The following DENND4C variants were observed in gnomAD, a reference collection of about 807,000 sequenced individuals.
The protein encoded by DENND4C is DENN domain-containing protein 4C.
Under a neutral mutation model 203.0 loss-of-function variants are expected in DENND4C, and 108 were observed. The ratio of observed to expected loss-of-function variants is 0.53; its 90% confidence interval spans 0.46 to 0.62. The LOEUF is 0.62. DENND4C is among the 20% of genes least tolerant of loss of function. The pLI is 0.00. For synonymous variants in DENND4C, 871 were observed against 792.4 expected (o/e 1.10, Z -1.67); for missense variants, 2,481 against 2,301.2 (o/e 1.08, Z -1.60).
chr9:19,240,686 G>T (rs1391115359), intron 1 of DENND4C, among the ~76,000 whole-genome samples: 3 of 143,118 alleles, frequency 2.1e-5, no homozygotes, highest in Non-Finnish European at 4.5e-5. Flanking sequence ...AAAAAAAAAG[G>T]CCAGGCATGG....
At chr9:19,324,143 A>G (rs1324043535) in intron 12 of DENND4C, among the ~76,000 whole-genome samples, 1 of 152,128 alleles carries the variant, frequency 6.6e-6, no homozygotes, top group Non-Finnish European at 1.5e-5. Context: ...ACATGCAAAT[A>G]TTTCAAAATC....
intron 2 of DENND4C, among the ~76,000 whole-genome samples, chr9:19,280,087 T>A (rs1349362980): frequency 6.6e-6 from 1 of 151,850 alleles, no homozygotes; most frequent in East Asian, 1.9e-4. Context: ...TTAGCTTTTA[T>A]TTGAAGGGGC....
Position 19,331,836 on chromosome 9 carries a change from G to A in DENND4C, c.2254-142G>A, listed in dbSNP as rs1054775809. ...AACCATTAACACTGATAAGCAGGAA[G>A]CCACTCACAAAAGTCAACTTTGAAG... On this transcript the variant is annotated intron_variant, in intron 16 of 32. Transcript: ENST00000434457. The A allele has an allele frequency of 2.0e-5, 13 of 659,484 alleles. No homozygotes were observed. The African/African-American group carries it at 2.0e-4, about 10-fold the overall frequency. The allele number at this position is 659,484 out of a possible 1,614,324, so 40.9% of individuals were successfully genotyped here.
intron 12 of DENND4C, among the ~76,000 whole-genome samples, chr9:19,320,073 A>G (rs1391425860): frequency 6.6e-6 from 1 of 152,228 alleles, no homozygotes; most frequent in Admixed American, 6.5e-5. Context: ...CGTAAGCCAC[A>G]TATAAAATTT....
At chr9:19,293,707 G>A (rs909733673) in intron 5 of DENND4C, among the ~76,000 whole-genome samples, 1 of 152,206 alleles carries the variant, frequency 6.6e-6, no homozygotes, top group African/African-American at 2.4e-5. Flanking sequence ...TAGTCTATAT[G>A]CCTGGTAGCT....
chr9:19,275,277 CTTTTTTTTTTTTTTCTTTCTCT>C (rs1219865974), intron 1 of DENND4C, among the ~76,000 whole-genome samples: 1 of 129,988 alleles, frequency 7.7e-6, no homozygotes, highest in Admixed American at 8.3e-5. Context: ...CAGGCCCGGC[CTTTTTTTTTTTTTTCTTTCTCT>C]TTTTTTTTTT....
chr9:19,265,940 G>A (rs143233850), intron 1 of DENND4C, among the ~76,000 whole-genome samples: 340 of 152,308 alleles, frequency 2.2e-3, no homozygotes, highest in African/African-American at 8.0e-3. Context: ...CTTTATAGCA[G>A]CATGATTTTT....
intron 30 of DENND4C, among the ~76,000 whole-genome samples, chr9:19,368,588 G>A (rs971318246): frequency 2.6e-5 from 4 of 152,142 alleles, no homozygotes; most frequent in Non-Finnish European, 4.4e-5. Context: ...CTTGGGACCA[G>A]GAGTTTGAGA....
At chr9:19,360,977 G>T (rs1032199959) in intron 29 of DENND4C, among the ~76,000 whole-genome samples, 1 of 152,112 alleles carries the variant, frequency 6.6e-6, no homozygotes, top group Non-Finnish European at 1.5e-5. Context: ...GGGTTCAAGT[G>T]ATTCTCCTGC....
chr9:19,255,797 A>G (rs1827774800), intron 1 of DENND4C, among the ~76,000 whole-genome samples: 1 of 152,252 alleles, frequency 6.6e-6, no homozygotes, highest in East Asian at 1.9e-4. Flanking sequence ...CCATTCTCGT[A>G]CTAGTTGATA....
At chr9:19,341,666 C>T (rs1208414618) in intron 21 of DENND4C, among the ~76,000 whole-genome samples, 1 of 152,016 alleles carries the variant, frequency 6.6e-6, no homozygotes, top group Non-Finnish European at 1.5e-5. Flanking sequence ...GGAAGTGTGA[C>T]CCATTGAGGT....
chr9:19,310,588 T>C (rs1443616155), intron 10 of DENND4C, among the ~76,000 whole-genome samples: 3 of 152,238 alleles, frequency 2.0e-5, no homozygotes, highest in African/African-American at 7.2e-5. Flanking sequence ...TCTAGAGTTT[T>C]GATATCTTAA....
At chr9:19,236,217 G>C (rs1275609938) in intron 1 of DENND4C, among the ~76,000 whole-genome samples, 1 of 152,094 alleles carries the variant, frequency 6.6e-6, no homozygotes, top group African/African-American at 2.4e-5. Context: ...AAGGTGACTA[G>C]TAAGGTCTAA....
At chr9:19,356,857 T>C in intron 26 of DENND4C, 115 bp from the exon 27 acceptor site, 1 of 988,068 alleles carries the variant, frequency 1.0e-6, no homozygotes, top group Non-Finnish European at 1.5e-6. Flanking sequence ...TCCTTCTGGA[T>C]TATATATAAT....
intron 30 of DENND4C, among the ~76,000 whole-genome samples, chr9:19,367,563 C>G (rs1403333024): frequency 1.3e-5 from 2 of 152,192 alleles, no homozygotes; most frequent in African/African-American, 4.8e-5. Flanking sequence ...TGGGGAAACC[C>G]CGTCTCTACT....
chr9:19,238,071 GTTTC>G (rs1377457441), intron 1 of DENND4C, among the ~76,000 whole-genome samples: 12 of 149,328 alleles, frequency 8.0e-5, no homozygotes, highest in African/African-American at 1.5e-4. Context: ...CTCTTCCTCT[GTTTC>G]TTTCTTTCTT....
intron 9 of DENND4C, among the ~76,000 whole-genome samples, chr9:19,304,814 G>T (rs529004656): frequency 1.3e-5 from 2 of 151,272 alleles, no homozygotes; most frequent in African/African-American, 4.9e-5. Context: ...CTCCCAAAGT[G>T]CTGGGATTAC....
chr9:19,347,169 A>C (rs1288451664), intron 23 of DENND4C, 83 bp downstream of exon 23: 2 of 1,350,480 alleles, frequency 1.5e-6, no homozygotes. Context: ...TCTTGTTCAG[A>C]GATTTCTGTG....
intron 10 of DENND4C, among the ~76,000 whole-genome samples, chr9:19,314,884 G>C (rs762857467): frequency 6.6e-6 from 1 of 152,070 alleles, no homozygotes. Flanking sequence ...GAATCAGGCT[G>C]AGTGCAGTGG....
Sources: gnomAD v4.1 joint callset for allele counts (sites outside exome capture counted in the v4.1 genomes callset) on GRCh38, gnomAD v4.1.1 for gene constraint, MANE v1.5 for transcripts, NCBI Gene and HGNC (gene_info 2026-07-23, HGNC 2026-07-21) for gene names.